The following TRAPPC9 variants were observed in gnomAD, a reference collection of about 807,000 sequenced individuals.
The protein encoded by TRAPPC9 is IKK2 binding protein.
Under a neutral mutation model 124.0 loss-of-function variants are expected in TRAPPC9, and 83 were observed. The observed-to-expected ratio is 0.67, with a 90% CI of 0.56 to 0.80. The LOEUF (loss-of-function observed/expected upper bound fraction) is 0.80, where lower values mean the gene tolerates loss of function less well. TRAPPC9 is among the 30% of genes least tolerant of loss of function. TRAPPC9 has a pLI of 0.00. For missense variants in TRAPPC9, 1,302 were observed against 1,508.3 expected, an observed-to-expected ratio of 0.86 and a Z score of 2.27; for synonymous variants, 638 against 617.5, an observed-to-expected ratio of 1.03 and a Z score of -0.49.
chr8:139,932,639 C>T (rs188954892), intron 19 of TRAPPC9: 93 of 404,756 alleles, frequency 2.3e-4, no homozygotes, highest in African/African-American at 8.8e-4. Context: ...TGGCACATGC[C>T]TGTAGTCCCA....
At chr8:140,356,343 C>T (rs1220753205) in intron 9 of TRAPPC9, among the ~76,000 whole-genome samples, 2 of 152,172 alleles carry the variant, frequency 1.3e-5, no homozygotes, top group Non-Finnish European at 2.9e-5. Flanking sequence ...TTCTCAGTGC[C>T]GTCATCAAAA....
chr8:139,787,656 T>C (rs1279198008), intron 21 of TRAPPC9, among the ~76,000 whole-genome samples: 1 of 152,230 alleles, frequency 6.6e-6, no homozygotes, highest in Non-Finnish European at 1.5e-5. Flanking sequence ...AGTTAAAAAC[T>C]GGCGACTATT....
rs572106048 is a variant in TRAPPC9, at chr8:140,083,073, G to A, written c.2557-58994C>T. Among the ~76,000 whole-genome samples the A allele has an allele frequency of 3.9e-5, 6 of 152,300 alleles. No individual in the cohort carries two copies. In the South Asian group the frequency reaches 6.2e-4, roughly 16 times the overall value. The stretch of plus-strand genomic sequence containing the variant: ...CTGGGCATGGTGGCATGTGCCTGTA[G>A]TCCCAGCTGCTCGGGAGGCTGAAGC... On this transcript the variant is annotated intron_variant, in intron 17 of 22. Coordinates refer to ENST00000438773, the MANE Select transcript of TRAPPC9 (RefSeq NM_001160372.4).
intron 18 of TRAPPC9, among the ~76,000 whole-genome samples, chr8:140,021,007 C>T (rs76774094): frequency 0.022 from 3,294 of 152,152 alleles, 143 homozygotes; most frequent in African/African-American, 0.075. Context: ...TAGTTAATGT[C>T]AATTTCTTAT....
chr8:140,300,384 C>T (rs903903758), intron 11 of TRAPPC9, 85 bp downstream of exon 11: 14 of 1,580,538 alleles, frequency 8.9e-6, no homozygotes, highest in Non-Finnish European at 1.1e-5. Flanking sequence ...CATGAACTGG[C>T]TCAAAATGCT....
chr8:140,165,058 T>C (rs946968704), intron 17 of TRAPPC9, among the ~76,000 whole-genome samples: 1 of 152,224 alleles, frequency 6.6e-6, no homozygotes, highest in Non-Finnish European at 1.5e-5. Context: ...GATAAACAGA[T>C]TCAATGCCAA....
At chr8:140,141,843 C>T (rs1436746614) in intron 17 of TRAPPC9, among the ~76,000 whole-genome samples, 1 of 152,160 alleles carries the variant, frequency 6.6e-6, no homozygotes, top group East Asian at 1.9e-4. Flanking sequence ...GCAGGGGGAA[C>T]CTTGACCAAT....
intron 21 of TRAPPC9, among the ~76,000 whole-genome samples, chr8:139,851,911 C>G (rs563406484): frequency 6.6e-6 from 1 of 152,152 alleles, no homozygotes; most frequent in Non-Finnish European, 1.5e-5. Context: ...ACTGGCTGTG[C>G]ATCCCACAGA....
intron 20 of TRAPPC9, among the ~76,000 whole-genome samples, chr8:139,896,150 C>T (rs1375810416): frequency 1.3e-5 from 2 of 152,176 alleles, no homozygotes; most frequent in African/African-American, 4.8e-5. Context: ...GTAAGCCACC[C>T]AAACAGTCTT....
At chr8:140,336,004 G>A (rs1039789913) in intron 9 of TRAPPC9, among the ~76,000 whole-genome samples, 2 of 152,024 alleles carry the variant, frequency 1.3e-5, no homozygotes, top group Admixed American at 1.3e-4. Context: ...CACCGCACCT[G>A]GCCAACAATA....
chr8:139,897,967 G>C (rs751154584), intron 20 of TRAPPC9, among the ~76,000 whole-genome samples: 1 of 152,274 alleles, frequency 6.6e-6, no homozygotes, highest in Non-Finnish European at 1.5e-5. Flanking sequence ...TTTTTCTCCT[G>C]TGAGGTCACA....
intron 21 of TRAPPC9, among the ~76,000 whole-genome samples, chr8:139,782,861 T>C (rs1821930941): frequency 6.6e-6 from 1 of 152,156 alleles, no homozygotes. Context: ...CTGACAACAA[T>C]GAAATTAAAT....
At chr8:140,221,248 G>A (rs961462096) in intron 17 of TRAPPC9, among the ~76,000 whole-genome samples, 3 of 152,190 alleles carry the variant, frequency 2.0e-5, no homozygotes, top group Non-Finnish European at 4.4e-5. Flanking sequence ...CGTGTTCCAA[G>A]GACATAAGAG....
chr8:140,353,316 AC>A lies in TRAPPC9; in HGVS notation c.1495+6733del, dbSNP rs199631329. Among the ~76,000 whole-genome samples the A allele has an allele frequency of 2.5e-4, 36 of 144,966 alleles. 1 individual carries two copies. Among genetic ancestry groups the A allele is most frequent in the Admixed American group, 1.7e-3 (24 of 14,508 alleles). On this transcript the variant is annotated intron_variant, in intron 9 of 22. Coordinates refer to ENST00000438773, the MANE Select transcript of TRAPPC9 (RefSeq NM_001160372.4). This position sits in a 1 kb window ranked among gnomAD's most constrained non-coding sequence, Gnocchi z 4.2. The stretch of plus-strand genomic sequence containing the variant: ...CACTGGCCCCCTCCCATCTCATGGG[AC>A]CCCCCCCTTTCGTCACTCCTCAGTC...
chr8:140,060,261 G>A (rs906604423), intron 17 of TRAPPC9, among the ~76,000 whole-genome samples: 4 of 152,142 alleles, frequency 2.6e-5, no homozygotes, highest in Admixed American at 6.5e-5. Flanking sequence ...AGAAGGCCTC[G>A]GGTGTCCCAC....
intron 21 of TRAPPC9, among the ~76,000 whole-genome samples, chr8:139,746,713 A>G (rs7843846): frequency 0.082 from 12,505 of 152,298 alleles, 520 homozygotes; most frequent in Middle Eastern, 0.13. Context: ...TTGTTACAGC[A>G]TTTAGCTGTG....
At chr8:140,093,710 T>G (rs56325256) in intron 17 of TRAPPC9, among the ~76,000 whole-genome samples, 12,067 of 150,570 alleles carry the variant, frequency 0.08, 616 homozygotes, top group Middle Eastern at 0.14. Context: ...AACTAAAGTG[T>G]TTAAAGCTGG....
intron 9 of TRAPPC9, among the ~76,000 whole-genome samples, chr8:140,356,314 G>C (rs1240304782): frequency 6.6e-6 from 1 of 152,210 alleles, no homozygotes; most frequent in African/African-American, 2.4e-5. Context: ...AGCACGTGGG[G>C]CTGGGAAACA....
chr8:140,261,002 C>T (rs2064392740), intron 15 of TRAPPC9, among the ~76,000 whole-genome samples: 1 of 152,196 alleles, frequency 6.6e-6, no homozygotes, highest in African/African-American at 2.4e-5. Context: ...GAATCTGGGT[C>T]CTAATACTGC....
Sources: gnomAD v4.1 joint callset for allele counts (sites outside exome capture counted in the v4.1 genomes callset) on GRCh38, gnomAD v4.1.1 for gene constraint, Gnocchi (gnomAD v3.1) non-coding constraint, MANE v1.5 for transcripts, NCBI Gene and HGNC (gene_info 2026-07-23, HGNC 2026-07-21) for gene names.